Variants in NUP210 observed in about 807,000 individuals in gnomAD.
The protein encoded by NUP210 is nucleoporin 210, also known as nuclear pore membrane glycoprotein 210.
In NUP210, 151 loss-of-function variants were observed where a neutral mutation model predicts 196.0. The observed-to-expected ratio is 0.77, with a 90% CI of 0.67 to 0.88. NUP210 has a LOEUF of 0.88. Among genes scored for constraint, NUP210 ranks in the 40% least tolerant of loss-of-function variants. NUP210 has a pLI of 0.00. For missense variants in NUP210, 2,314 were observed against 2,493.7 expected (o/e 0.93, Z 1.53); for synonymous variants, 1,070 against 1,052.7 (o/e 1.02, Z -0.32).
intron 39 of NUP210, among the ~76,000 whole-genome samples, chr3:13,318,191 C>T (rs2124821612): frequency 6.6e-6 from 1 of 152,296 alleles, no homozygotes; most frequent in East Asian, 1.9e-4. Context: ...CCAGGTGTGG[C>T]TCCCAAAACC....
At chr3:13,372,087 C>G (rs1464021801) in intron 12 of NUP210, 55 bp from the exon 13 acceptor site, 3 of 1,451,472 alleles carry the variant, frequency 2.1e-6, no homozygotes, top group East Asian at 5.0e-5. Flanking sequence ...GAGGCAGGGC[C>G]TGTTGCTCGG....
At chr3:13,325,608 T>TG (rs1696716145) in intron 33 of NUP210, among the ~76,000 whole-genome samples, 187 bp downstream of exon 33, 1 of 151,960 alleles carries the variant, frequency 6.6e-6, no homozygotes, top group South Asian at 2.1e-4. Flanking sequence ...GACTGAAGCC[T>TG]GGAAAAAAAA....
At chr3:13,397,051 G>A (rs557266339) in intron 3 of NUP210, among the ~76,000 whole-genome samples, 2 of 152,178 alleles carry the variant, frequency 1.3e-5, no homozygotes, top group Non-Finnish European at 2.9e-5. Context: ...GCACTATGCA[G>A]GCAGGGTCTG....
intron 32 of NUP210, among the ~76,000 whole-genome samples, chr3:13,326,253 C>G (rs961783379): frequency 1.3e-5 from 2 of 152,242 alleles, no homozygotes; most frequent in African/African-American, 4.8e-5. Context: ...TAGCTGACTC[C>G]TGCCCAGGAA....
intron 31 of NUP210, among the ~76,000 whole-genome samples, chr3:13,328,292 G>A (rs1218236225): frequency 1.3e-5 from 2 of 152,240 alleles, no homozygotes; most frequent in Non-Finnish European, 2.9e-5. Flanking sequence ...CCCAACGTGA[G>A]AGGTGTGGAA....
intron 1 of NUP210, among the ~76,000 whole-genome samples, chr3:13,404,779 G>T (rs1292052747): frequency 6.6e-6 from 1 of 152,214 alleles, no homozygotes; most frequent in African/African-American, 2.4e-5. Flanking sequence ...GGAGATTCAG[G>T]CTGGCTCTTT....
At chr3:13,357,239 T>C (rs1698199073) in intron 16 of NUP210, among the ~76,000 whole-genome samples, 1 of 152,216 alleles carries the variant, frequency 6.6e-6, no homozygotes, top group African/African-American at 2.4e-5. Flanking sequence ...GCTCTAGGAC[T>C]CGCAAAGAAT....
chr3:13,336,912 T>C lies in NUP210; in HGVS notation c.3559A>G (p.Ile1187Val), dbSNP rs75641952. 6.2e-6 allele frequency: 10 copies of C among 1,613,358 alleles called. No individual in the cohort carries two copies. In the East Asian group the frequency reaches 1.8e-4, roughly 29 times the overall value. Residue 1187 changes from isoleucine (I) to valine (V), a missense_variant, in exon 27 of 40, where the codon ATC becomes GTC. Transcript: ENST00000254508. ...MRMRTGTQMP[I>V]YVTGITNHQN... is the part of the protein sequence containing the mutation. ...TGGTTGGTGATGCCGGTGACATAGATGGGCATCTGCAGGGGAGAAGTCAGG... is the reference window on the plus strand; with the variant it reads ...TGGTTGGTGATGCCGGTGACATAGACGGGCATCTGCAGGGGAGAAGTCAGG...
chr3:13,354,106 AC>A lies in NUP210; in HGVS notation c.2329del (p.Val777SerfsTer29). 6.3e-7 allele frequency: 1 copy of A among 1,584,926 alleles called. No homozygotes were observed. On this transcript the variant is annotated frameshift_variant and splice_region_variant, in exon 17 of 40. Coordinates refer to ENST00000254508, the MANE Select transcript of NUP210 (RefSeq NM_024923.4). LOFTEE classifies it high-confidence loss of function. ...GGGGTTGCGGTGGCTGGACACTGGG[AC>A]CTGCAGGGAACACAGGTCAGATGTT... is the stretch of plus-strand genomic sequence containing the variant. ...CPLLQQNKQV[V>X]PVSSHRNPRL...
rs1678605523 is a variant in NUP210 at position 13,348,460 on chromosome 3, A to G, written c.2835+3419T>C. ...CCTCGGTTTCACTGGCACTGTACAC[A>G]TTTTTCCCTAACTTGGAACTCCCCT... On this transcript the variant is annotated intron_variant, in intron 20 of 39. Coordinates refer to ENST00000254508, the MANE Select transcript of NUP210 (RefSeq NM_024923.4). This position sits in a 1 kb window ranked among gnomAD's most constrained non-coding sequence, Gnocchi z 4.0. The G allele has an allele frequency of 1.0e-6, 1 of 985,068 alleles. No homozygotes were observed. Among genetic ancestry groups the G allele is most frequent in the African/African-American group, 1.8e-5 (1 of 57,132 alleles). The allele number at this position is 985,068 out of a possible 1,614,324, so 61.0% of individuals were successfully genotyped here. A position where few individuals can be genotyped will look rare whatever the true frequency, so the allele number is the denominator to read the frequency against.
rs1161236006 is a variant in NUP210 at position 13,332,388 on chromosome 3, C to T, written c.3844-4G>A. On this transcript the variant is annotated splice_region_variant and splice_polypyrimidine_tract_variant and intron_variant, in intron 28 of 39. Transcript: ENST00000254508. ...GCAGCTGCAGCTTCTCAAACACCTG[C>T]AAGAGAGGGCAAGTTTCACTTCCGA... is the stretch of plus-strand genomic sequence containing the variant. 6.2e-7 allele frequency: 1 copy of T among 1,610,066 alleles called. No individual in the cohort carries two copies. The highest frequency in any genetic ancestry group is 8.5e-7 in the Non-Finnish European group (1 of 1,177,324).
intron 16 of NUP210, among the ~76,000 whole-genome samples, chr3:13,355,733 CTCA>C (rs1269964330): frequency 3.3e-5 from 5 of 152,188 alleles, no homozygotes; most frequent in Admixed American, 3.3e-4. Flanking sequence ...ATGCAAAGGT[CTCA>C]TCATTATTCA....
At chr3:13,353,793 G>A (rs947382828) in intron 17 of NUP210, 122 bp downstream of exon 17, 2 of 1,228,572 alleles carry the variant, frequency 1.6e-6, no homozygotes, top group South Asian at 2.7e-5. Flanking sequence ...TATGTGGATT[G>A]TAAGAGTTAA....
At chr3:13,397,561 G>A (rs141451699) in intron 2 of NUP210, 73 bp from the exon 3 acceptor site, 458 of 1,461,392 alleles carry the variant, frequency 3.1e-4, no homozygotes, top group Middle Eastern at 7.3e-4. Context: ...AGCCTTGCAG[G>A]CTTACACTCT....
chr3:13,341,878 A>G lies in NUP210; in HGVS notation c.3098T>C (p.Leu1033Pro), dbSNP rs1450508423. Reference protein sequence around the residue: ...AASPIITLVALDEALDNYTIT... With the variant: ...AASPIITLVAPDEALDNYTIT... ...GGTGTAGTTGTCAAGGGCTTCATCA[A>G]GGGCCCTGAAACAGAGGGAAGGGCT... The change falls in exon 23 of 40, where the codon CTT becomes CCT. Residue 1033 changes from leucine (L) to proline (P), a missense_variant. Transcript: ENST00000254508. The G allele has an allele frequency of 1.2e-6, 2 of 1,614,032 alleles. No homozygotes were observed. Among genetic ancestry groups the G allele is most frequent in the Non-Finnish European group, 1.7e-6 (2 of 1,180,038 alleles).
At chr3:13,345,308 G>T in intron 20 of NUP210, 1 of 815,598 alleles carries the variant, frequency 1.2e-6, no homozygotes, top group Non-Finnish European at 1.5e-6. Flanking sequence ...ATGTGCAAAT[G>T]AGTTAACTGA....
In NUP210 at chr3:13,340,323, G is replaced by C; in HGVS notation, c.3229-25C>G. 1 of 1,605,488 alleles carries C rather than the reference G, an allele frequency of 6.2e-7. No individual in the cohort carries two copies. Among genetic ancestry groups the C allele is most frequent in the Non-Finnish European group, 8.5e-7 (1 of 1,173,038 alleles). On this transcript the variant is annotated intron_variant, in intron 23 of 39. Transcript: ENST00000254508. The surrounding 1 kb of genome is among the most constrained non-coding windows in gnomAD (Gnocchi z 4.0). ...CCTGTTGAGAGACACAGGAGAGAAA[G>C]GACTACTGTGCCCCAAGCCCATGGC...
At position 13,353,062 on chromosome 3, in the gene NUP210, C is replaced by G. The variant is rs117636548; in HGVS notation, c.2628+492G>C. Among the ~76,000 whole-genome samples the G allele has an allele frequency of 2.0e-4, 30 of 152,218 alleles. 1 individual carries two copies. In the East Asian group the frequency reaches 5.4e-3, roughly 27 times the overall value. On this transcript the variant is annotated intron_variant, in intron 18 of 39. Transcript: ENST00000254508. ...AATCCTGGTGCCAGTGAGGACTGAG[C>G]CATCAGGTATAGGCACAGGTGTGCC...
chr3:13,381,800 C>G (rs1355258968), intron 6 of NUP210, among the ~76,000 whole-genome samples: 1 of 152,134 alleles, frequency 6.6e-6, no homozygotes, highest in Non-Finnish European at 1.5e-5. Flanking sequence ...GACATGATCT[C>G]TGTCCCCTGC....
Sources: gnomAD v4.1 joint callset for allele counts (sites outside exome capture counted in the v4.1 genomes callset) on GRCh38, gnomAD v4.1.1 for gene constraint, Gnocchi (gnomAD v3.1) non-coding constraint, MANE v1.5 for transcripts, NCBI Gene and HGNC (gene_info 2026-07-23, HGNC 2026-07-21) for gene names.